The following CDH26 variants were observed in gnomAD, a reference collection of about 807,000 sequenced individuals.
CDH26 encodes cadherin 26.
A neutral mutation model predicts 90.3 loss-of-function variants in CDH26; 83 were observed. That is an observed-to-expected ratio of 0.92 (90% CI 0.77 to 1.10). The LOEUF (loss-of-function observed/expected upper bound fraction) is 1.10. CDH26 is among the 50% of genes least tolerant of loss of function. The pLI is 0.00. For synonymous variants in CDH26, 397 were observed against 396.3 expected, an observed-to-expected ratio of 1.00 and a Z score of -0.02; for missense variants, 1,013 against 1,037.6, an observed-to-expected ratio of 0.98 and a Z score of 0.33.
chr20:59,987,738 T>C, intron 8 of CDH26, 100 bp downstream of exon 8: 1 of 1,109,748 alleles, frequency 9.0e-7, no homozygotes, highest in East Asian at 2.5e-5. Flanking sequence ...CGTCCGTGGA[T>C]GCTGGGTGCT....
chr20:60,032,835 C>T (rs1045253991), intron 8 of CDH26, among the ~76,000 whole-genome samples: 5 of 113,226 alleles, frequency 4.4e-5, no homozygotes, highest in African/African-American at 7.2e-5. Flanking sequence ...ATATCACACT[C>T]TGGGGACTGT....
intron 14 of CDH26, among the ~76,000 whole-genome samples, chr20:60,000,185 G>A (rs1011399230): frequency 6.6e-5 from 10 of 152,208 alleles, no homozygotes; most frequent in South Asian, 2.1e-4. Context: ...AAGGCAGAGC[G>A]TGGAAGCCAG....
At chr20:59,994,095 C>A in intron 10 of CDH26, 155 bp from the exon 11 acceptor site, 1 of 928,502 alleles carries the variant, frequency 1.1e-6, no homozygotes, top group Non-Finnish European at 1.6e-6. Context: ...AGCAGGAAAA[C>A]AGATCACGTG....
intron 7 of CDH26, among the ~76,000 whole-genome samples, chr20:60,025,005 GGGGGACTATC>G (rs2061985062): frequency 6.6e-6 from 1 of 152,182 alleles, no homozygotes; most frequent in Non-Finnish European, 1.5e-5. Flanking sequence ...CCGACCTGAA[GGGGGACTATC>G]TGCAGAGCTT....
At chr20:59,982,657 A>T (rs932892384) in intron 4 of CDH26, among the ~76,000 whole-genome samples, 1 of 152,202 alleles carries the variant, frequency 6.6e-6, no homozygotes, top group Non-Finnish European at 1.5e-5. Flanking sequence ...GGAGAGACTG[A>T]GATTTGAACC....
chr20:60,017,169 T>C (rs985277643), downstream of CDH26, among the ~76,000 whole-genome samples: 1 of 152,016 alleles, frequency 6.6e-6, no homozygotes, highest in Non-Finnish European at 1.5e-5. Flanking sequence ...TTTTGTGGAA[T>C]TGTCTGAGAA....
Position 60,012,593 on chromosome 20 carries a change from G to T in CDH26, c.2362G>T (p.Gly788Trp). ...CCTACCTCACGTCTACAGCGAGGAA[G>T]GGGAGTGTGGAGGGGCCCCATCCCT... ...GYLPHVYSEE[G>W]ECGGAPSLSS... The change falls in exon 18 of 18, where the codon GGG becomes TGG. Residue 788 changes from glycine to tryptophan, a missense_variant. Physicochemically the swap from Gly to Trp is radical, Grantham distance 184 (BLOSUM62 -2). Transcript: ENST00000348616. 6.2e-7 allele frequency: 1 copy of T among 1,614,194 alleles called. No individual in the cohort carries two copies. Among genetic ancestry groups the T allele is most frequent in the South Asian group, 1.1e-5 (1 of 91,080 alleles).
At chr20:59,986,907 C>T (rs1364768384) in intron 7 of CDH26, among the ~76,000 whole-genome samples, 1 of 152,120 alleles carries the variant, frequency 6.6e-6, no homozygotes, top group Non-Finnish European at 1.5e-5. Context: ...AAAATCTTTT[C>T]CTGGCTTGGT....
intron 3 of CDH26, among the ~76,000 whole-genome samples, chr20:59,970,582 G>A (rs996611526): frequency 5.9e-5 from 9 of 151,688 alleles, no homozygotes; most frequent in South Asian, 4.2e-4. Flanking sequence ...AGGCCGAGGC[G>A]GGCGGATCAG....
At chr20:59,997,131 C>G (rs6071070) in intron 13 of CDH26, among the ~76,000 whole-genome samples, 2,393 of 152,312 alleles carry the variant, frequency 0.016, 35 homozygotes, top group Non-Finnish European at 0.025. Flanking sequence ...CCCCAGTTTC[C>G]TAAGTGCTGA....
At chr20:60,016,484 A>C (rs2061906410), downstream of CDH26, among the ~76,000 whole-genome samples, 1 of 152,154 alleles carries the variant, frequency 6.6e-6, no homozygotes, top group South Asian at 2.1e-4. Context: ...ACTTTGCTGA[A>C]TTTATTTATC....
At chr20:59,985,236 TGAA>T in intron 7 of CDH26, 107 bp downstream of exon 7, 1 of 1,309,960 alleles carries the variant, frequency 7.6e-7, no homozygotes, top group South Asian at 1.3e-5. Flanking sequence ...CATATTGCTG[TGAA>T]GAAATACCTC....
chr20:59,963,592 T>G (rs1194391332), intron 1 of CDH26, among the ~76,000 whole-genome samples: 1 of 152,128 alleles, frequency 6.6e-6, no homozygotes, highest in East Asian at 1.9e-4. Flanking sequence ...AAATTTAAAA[T>G]TCAGTCCTAT....
exon 9 of CDH26, chr20:60,033,672 G>T: frequency 1.4e-5 from 18 of 1,304,266 alleles, no homozygotes; most frequent in Non-Finnish European, 1.7e-5. Context: ...GCTGTCTCAG[G>T]CTGAGCAGAG....
chr20:59,966,270 G>A (rs2061148058), intron 1 of CDH26, among the ~76,000 whole-genome samples: 1 of 139,706 alleles, frequency 7.2e-6, no homozygotes, highest in Non-Finnish European at 1.5e-5. Flanking sequence ...GGCCTGTTCA[G>A]CTGGAAACTG....
chr20:60,033,386 G>A (rs996817395), intron 8 of CDH26: 5 of 1,228,734 alleles, frequency 4.1e-6, no homozygotes, highest in African/African-American at 3.1e-5. Context: ...ATACATGCAC[G>A]TGGCAAATAC....
At chr20:59,965,093 AT>A (rs2061129126) in intron 1 of CDH26, among the ~76,000 whole-genome samples, 1 of 152,236 alleles carries the variant, frequency 6.6e-6, no homozygotes, top group African/African-American at 2.4e-5. Flanking sequence ...TCAGTTTGAG[AT>A]TTCAGACTTA....
chr20:60,016,911 A>C (rs1466934974), downstream of CDH26, among the ~76,000 whole-genome samples: 2 of 152,078 alleles, frequency 1.3e-5, no homozygotes, highest in Admixed American at 6.5e-5. Context: ...GATGTGATGT[A>C]TCATGTGTAC....
chr20:59,967,806 C>T (rs1007292541), intron 1 of CDH26, among the ~76,000 whole-genome samples: 1 of 137,574 alleles, frequency 7.3e-6, no homozygotes, highest in African/African-American at 2.6e-5. Context: ...CCCTCCCTCC[C>T]TCCCTCATTT....
Sources: gnomAD v4.1 joint callset for allele counts (sites outside exome capture counted in the v4.1 genomes callset) on GRCh38, gnomAD v4.1.1 for gene constraint, MANE v1.5 for transcripts, NCBI Gene and HGNC (gene_info 2026-07-23, HGNC 2026-07-21) for gene names.